The following GALNT3 variants were observed in gnomAD, a reference collection of about 807,000 sequenced individuals.
GALNT3 encodes the protein polypeptide N-acetylgalactosaminyltransferase 3.
In GALNT3, 51 loss-of-function variants were observed where a neutral mutation model predicts 69.8. That is an observed-to-expected ratio of 0.73 (90% confidence interval 0.58 to 0.92). The LOEUF is 0.92. Ranked by LOEUF, GALNT3 falls within the 40% of genes least tolerant of loss-of-function variation. The pLI is 0.00. For missense variants in GALNT3, 711 were observed against 760.0 expected, an observed-to-expected ratio of 0.94 and a Z score of 0.76; for synonymous variants, 265 against 248.5, an observed-to-expected ratio of 1.07 and a Z score of -0.63.
At chr2:165,769,625 G>A (rs1688714666) in intron 2 of GALNT3, among the ~76,000 whole-genome samples, 1 of 151,266 alleles carries the variant, frequency 6.6e-6, no homozygotes, top group African/African-American at 2.4e-5. Context: ...TGTGGTGGCG[G>A]GCGCCTGTAA....
chr2:165,754,850 T>C (rs1688417584), intron 8 of GALNT3, 82 bp downstream of exon 8: 1 of 1,491,400 alleles, frequency 6.7e-7, no homozygotes, highest in African/African-American at 1.4e-5. Flanking sequence ...ATAAAGAAAG[T>C]ATTTCAGCAA....
chr2:165,756,983 C>T (rs1002022637), intron 7 of GALNT3, 64 bp downstream of exon 7: 46 of 1,279,342 alleles, frequency 3.6e-5, no homozygotes, highest in South Asian at 2.6e-4. Flanking sequence ...GATGAATCGA[C>T]GCAAAAGGAC....
intron 2 of GALNT3, among the ~76,000 whole-genome samples, chr2:165,769,440 T>TAAA (rs1553493935): frequency 8.0e-5 from 9 of 112,916 alleles, no homozygotes; most frequent in Middle Eastern, 5.1e-3. Flanking sequence ...ATAATAATAA[T>TAAA]AAATAAATAA....
chr2:165,757,518 G>A (rs1279382455), intron 6 of GALNT3, among the ~76,000 whole-genome samples: 1 of 152,084 alleles, frequency 6.6e-6, no homozygotes, highest in Non-Finnish European at 1.5e-5. Flanking sequence ...TGAATTCCAG[G>A]CTTTTGTTTT....
intron 9 of GALNT3, among the ~76,000 whole-genome samples, chr2:165,753,843 G>A (rs898804866): frequency 4.6e-5 from 7 of 152,110 alleles, no homozygotes; most frequent in Admixed American, 2.0e-4. Flanking sequence ...TGGAGAAGGA[G>A]GAACATATTG....
chr2:165,783,647 A>G (rs932740341), intron 1 of GALNT3, among the ~76,000 whole-genome samples: 3 of 152,168 alleles, frequency 2.0e-5, no homozygotes, highest in African/African-American at 7.2e-5. Context: ...GTAGTACAAA[A>G]AAGACAATTT....
chr2:165,765,577 C>A (rs1688623942), intron 2 of GALNT3, among the ~76,000 whole-genome samples: 1 of 151,904 alleles, frequency 6.6e-6, no homozygotes, highest in Non-Finnish European at 1.5e-5. Flanking sequence ...GCAAGCTTCA[C>A]CTCCCAGGTT....
chr2:165,768,888 A>AG (rs1393346242), intron 2 of GALNT3, among the ~76,000 whole-genome samples: 1 of 146,840 alleles, frequency 6.8e-6, no homozygotes, highest in East Asian at 2.0e-4. Flanking sequence ...CTCTGCCCCC[A>AG]GGTTCAAGCA....
At chr2:165,764,172 A>G (rs1239628640) in intron 3 of GALNT3, among the ~76,000 whole-genome samples, 4 of 152,148 alleles carry the variant, frequency 2.6e-5, no homozygotes, top group Non-Finnish European at 5.9e-5. Context: ...TTGACTTCCA[A>G]TTTTAAGTGG....
chr2:165,773,292 G>A lies in GALNT3; in HGVS notation c.-108-2484C>T, dbSNP rs557995802. Among the ~76,000 whole-genome samples, 3 of 152,260 alleles carry A rather than the reference G, an allele frequency of 2.0e-5. No homozygotes were observed. The East Asian group carries it at 5.8e-4, about 29-fold the overall frequency. On this transcript the variant is annotated intron_variant, in intron 1 of 10. Coordinates refer to ENST00000392701, the MANE Select transcript of GALNT3 (RefSeq NM_004482.4). Reference sequence around the variant, plus strand: ...AGACCTGATGGTTTTATAAATGGGAGTTCCCCTGCACATGTTCTCTTGCCT... The same window carrying A: ...AGACCTGATGGTTTTATAAATGGGAATTCCCCTGCACATGTTCTCTTGCCT...
chr2:165,755,112 AT>A (rs1688424139), intron 7 of GALNT3, 49 bp from the exon 8 acceptor site: 1 of 1,509,864 alleles, frequency 6.6e-7, no homozygotes, highest in Non-Finnish European at 9.2e-7. Flanking sequence ...AACAACATTG[AT>A]AAAGCACTTA....
chr2:165,774,856 T>C (rs954790179), intron 1 of GALNT3, among the ~76,000 whole-genome samples: 1 of 151,440 alleles, frequency 6.6e-6, no homozygotes, highest in African/African-American at 2.4e-5. Flanking sequence ...TAACATTTAA[T>C]ACATAAGTTC....
chr2:165,791,493 A>T (rs1683349614), intron 1 of GALNT3, among the ~76,000 whole-genome samples: 1 of 152,164 alleles, frequency 6.6e-6, no homozygotes, highest in African/African-American at 2.4e-5. Context: ...TATTAATAAA[A>T]CTTGTTTCAT....
At position 165,764,885 on chromosome 2, in the gene GALNT3, A is replaced by C. The variant is rs746885023; in HGVS notation, c.687T>G (p.Asp229Glu). 3 of 1,614,096 alleles carry C rather than the reference A, an allele frequency of 1.9e-6. No homozygotes were observed. The highest frequency in any genetic ancestry group is 2.5e-6 in the Non-Finnish European group (3 of 1,179,980). Reference sequence around the variant, plus strand: ...TCTAATTTGCATGTGCTTTCTTACCATCTACACTAGCATCATCCACCAAAA... The same window carrying C: ...TCTAATTTGCATGTGCTTTCTTACCCTCTACACTAGCATCATCCACCAAAA... ...EIILVDDASV[D>E]EYLHDKLDEY... The change falls in exon 3 of 11, where the codon GAT (aspartate) becomes GAG (glutamate). Residue 229 changes from aspartate to glutamate, a missense_variant and splice_region_variant. Physicochemically the swap from Asp to Glu is conservative, Grantham distance 45. Coordinates refer to ENST00000392701, the MANE Select transcript of GALNT3 (RefSeq NM_004482.4).
chr2:165,756,579 T>C (rs984759557), intron 7 of GALNT3, among the ~76,000 whole-genome samples: 5 of 151,932 alleles, frequency 3.3e-5, no homozygotes, highest in African/African-American at 1.2e-4. Context: ...TTCCCTATTT[T>C]ACATTCTCAA....
intron 2 of GALNT3, among the ~76,000 whole-genome samples, chr2:165,768,595 C>A (rs1207498666): frequency 6.6e-6 from 1 of 152,138 alleles, no homozygotes; most frequent in Admixed American, 6.5e-5. Flanking sequence ...CAACAGAAAT[C>A]TAAGCTACAC....
intron 9 of GALNT3, among the ~76,000 whole-genome samples, chr2:165,753,130 T>C (rs1235220798): frequency 6.6e-6 from 1 of 152,184 alleles, no homozygotes; most frequent in Non-Finnish European, 1.5e-5. Flanking sequence ...AAGCTGAGCC[T>C]AATGGGTAGG....
intron 4 of GALNT3, among the ~76,000 whole-genome samples, chr2:165,760,248 T>C (rs1476796068): frequency 6.6e-6 from 1 of 152,178 alleles, no homozygotes; most frequent in Non-Finnish European, 1.5e-5. Context: ...TCTGACTGGG[T>C]CTTAGGAGAA....
At chr2:165,759,614 GT>G (rs1450911285) in intron 4 of GALNT3, 44 bp from the exon 5 acceptor site, 45 of 1,455,046 alleles carry the variant, frequency 3.1e-5, no homozygotes, top group Non-Finnish European at 4.3e-5. Context: ...AAACATTGAA[GT>G]TTTTTTCTTT....
Sources: gnomAD v4.1 joint callset for allele counts (sites outside exome capture counted in the v4.1 genomes callset) on GRCh38, gnomAD v4.1.1 for gene constraint, MANE v1.5 for transcripts, NCBI Gene and HGNC (gene_info 2026-07-23, HGNC 2026-07-21) for gene names.